The following SYNPR variants were observed in gnomAD, a reference collection of about 807,000 sequenced individuals.
SYNPR encodes synaptoporin.
A neutral mutation model predicts 32.9 loss-of-function variants in SYNPR; 23 were observed. The ratio of observed to expected loss-of-function variants is 0.70; its 90% CI spans 0.50 to 0.99. The LOEUF is 0.99. SYNPR is among the 50% of genes least tolerant of loss of function. The pLI is 0.00. For synonymous variants in SYNPR, 146 were observed against 135.9 expected (o/e 1.07, Z -0.52); for missense variants, 318 against 349.3 (o/e 0.91, Z 0.71).
intron 2 of SYNPR, among the ~76,000 whole-genome samples, chr3:63,397,247 T>C (rs557702582): frequency 6.6e-6 from 1 of 152,226 alleles, no homozygotes; most frequent in Non-Finnish European, 1.5e-5. Context: ...TTTACTGAGA[T>C]CTGGAACCAA....
intron 2 of SYNPR, among the ~76,000 whole-genome samples, chr3:63,381,635 T>C (rs1213939085): frequency 6.6e-6 from 1 of 152,242 alleles, no homozygotes; most frequent in Admixed American, 6.5e-5. Flanking sequence ...TGTTGGGTAA[T>C]GTATTTTAAT....
At chr3:63,289,237 T>C (rs2086715386) in intron 2 of SYNPR, 2 of 152,240 alleles carry the variant, frequency 1.3e-5, no homozygotes, top group Admixed American at 1.3e-4. Flanking sequence ...TGTTACATTG[T>C]TTTTTGTTCC....
upstream of SYNPR, among the ~76,000 whole-genome samples, chr3:63,225,147 A>T (rs913708709): frequency 1.3e-5 from 2 of 152,232 alleles, no homozygotes; most frequent in Non-Finnish European, 2.9e-5. Flanking sequence ...GATGTGAGAT[A>T]AAATGTTCCC....
rs35394118 is a variant in SYNPR, at chr3:63,335,352, C to CAAA, written c.84+56630_84+56632dup. On this transcript the variant is annotated intron_variant, in intron 2 of 5. Transcript: ENST00000478300. ...TGGGCAACAGAGCGAGACTCCGTCTCAAAAAAAAAAAAAAAAAAAAAATGG... is the reference window on the plus strand; with the variant it reads ...TGGGCAACAGAGCGAGACTCCGTCTCAAAAAAAAAAAAAAAAAAAAAAAAATGG... Among the ~76,000 whole-genome samples the CAAA allele has an allele frequency of 1.8e-3, 150 of 84,528 alleles. 1 individual carries two copies. The highest frequency in any genetic ancestry group is 4.0e-3 in the African/African-American group (82 of 20,270). The allele number at this position is 84,528 out of a possible 152,430, so 55.5% of individuals were successfully genotyped here.
chr3:63,461,320 A>G (rs1256860773), intron 2 of SYNPR, among the ~76,000 whole-genome samples: 1 of 152,118 alleles, frequency 6.6e-6, no homozygotes, highest in Non-Finnish European at 1.5e-5. Flanking sequence ...TATGAAGCAC[A>G]TTCTACATTA....
intron 2 of SYNPR, among the ~76,000 whole-genome samples, chr3:63,316,333 G>A (rs2087043124): frequency 2.0e-5 from 3 of 151,850 alleles, no homozygotes; most frequent in Admixed American, 2.0e-4. Flanking sequence ...TTGAATGTCT[G>A]GTAGAATTCT....
intron 4 of SYNPR, among the ~76,000 whole-genome samples, chr3:63,587,126 G>GA (rs959685788): frequency 2.3e-4 from 35 of 149,082 alleles, no homozygotes; most frequent in South Asian, 4.3e-4. Context: ...AATCCAGTTT[G>GA]AAAAAAAAAA....
intron 5 of SYNPR, among the ~76,000 whole-genome samples, chr3:63,614,694 C>G (rs1482262982): frequency 6.6e-6 from 1 of 152,132 alleles, no homozygotes; most frequent in Non-Finnish European, 1.5e-5. Context: ...ATGATTACAA[C>G]AAATGGAAAA....
At chr3:63,458,704 T>C (rs1700528399) in intron 2 of SYNPR, among the ~76,000 whole-genome samples, 3 of 152,116 alleles carry the variant, frequency 2.0e-5, no homozygotes, top group Non-Finnish European at 4.4e-5. Context: ...GTATTACAAT[T>C]ATTTTTACAA....
At chr3:63,322,962 T>A (rs2087126781) in intron 2 of SYNPR, among the ~76,000 whole-genome samples, 1 of 152,068 alleles carries the variant, frequency 6.6e-6, no homozygotes, top group Non-Finnish European at 1.5e-5. Context: ...AGAGGCTTTT[T>A]ATTGAGGGTT....
intron 2 of SYNPR, among the ~76,000 whole-genome samples, chr3:63,476,023 G>T (rs1700895561): frequency 6.7e-6 from 1 of 150,020 alleles, no homozygotes; most frequent in East Asian, 2.0e-4. Context: ...CGTAAAAAGT[G>T]GAAGAAAGGT....
At chr3:63,402,251 A>G (rs1436996474) in intron 2 of SYNPR, among the ~76,000 whole-genome samples, 1 of 152,094 alleles carries the variant, frequency 6.6e-6, no homozygotes, top group African/African-American at 2.4e-5. Flanking sequence ...GCCTCTAAAC[A>G]TGAGGAGCGC....
At chr3:63,342,931 G>A (rs1239783078) in intron 2 of SYNPR, among the ~76,000 whole-genome samples, 1 of 152,100 alleles carries the variant, frequency 6.6e-6, no homozygotes, top group Non-Finnish European at 1.5e-5. Context: ...TTATTCTTTT[G>A]TATGTGTTTT....
chr3:63,334,205 G>A (rs1167591919), intron 2 of SYNPR, among the ~76,000 whole-genome samples: 2 of 152,164 alleles, frequency 1.3e-5, no homozygotes, highest in Admixed American at 1.3e-4. Flanking sequence ...AAAGCCTAGT[G>A]CAGGCAGGAA....
intron 2 of SYNPR, among the ~76,000 whole-genome samples, chr3:63,352,246 G>A (rs558462894): frequency 2.4e-4 from 37 of 151,808 alleles, no homozygotes; most frequent in Non-Finnish European, 4.4e-4. Flanking sequence ...TTTTTTTCCT[G>A]TACAATTTTA....
In SYNPR at chr3:63,244,802, C is replaced by T. The variant is rs946423729; in HGVS notation, n.67-7697C>T. Among the ~76,000 whole-genome samples, 6 of 152,042 alleles carry T rather than the reference C, an allele frequency of 3.9e-5. No individual in the cohort carries two copies. In the South Asian group the frequency reaches 8.3e-4, roughly 21 times the overall value. Reference sequence around the variant, plus strand: ...AATAGTGGAATGTAAAAATAGCTTTCGCTGTCTGCACGGCTTTTCTTATTT... The same window carrying T: ...AATAGTGGAATGTAAAAATAGCTTTTGCTGTCTGCACGGCTTTTCTTATTT... On this transcript the variant is annotated intron_variant and non_coding_transcript_variant, in intron 1 of 4. Coordinates refer to the SYNPR transcript ENST00000478456.
intron 2 of SYNPR, among the ~76,000 whole-genome samples, chr3:63,280,666 C>G (rs2086622413): frequency 6.6e-6 from 1 of 152,116 alleles, no homozygotes; most frequent in Admixed American, 6.5e-5. Context: ...TATTCATTCA[C>G]TCATAAGAAT....
At chr3:63,539,465 A>G (rs1209190286) in intron 3 of SYNPR, among the ~76,000 whole-genome samples, 2 of 152,160 alleles carry the variant, frequency 1.3e-5, no homozygotes, top group African/African-American at 4.8e-5. Context: ...TCTAAATACT[A>G]AAACTGTCCT....
intron 2 of SYNPR, among the ~76,000 whole-genome samples, chr3:63,447,499 C>T (rs1234529011): frequency 6.6e-6 from 1 of 152,160 alleles, no homozygotes. Context: ...TTGCATTTTT[C>T]GTTAAACATT....
Sources: gnomAD v4.1 joint callset for allele counts (sites outside exome capture counted in the v4.1 genomes callset) on GRCh38, gnomAD v4.1.1 for gene constraint, MANE v1.5 for transcripts, NCBI Gene and HGNC (gene_info 2026-07-23, HGNC 2026-07-21) for gene names.